PFAS: variants seen among roughly 807,000 people sequenced by gnomAD.
The protein encoded by PFAS is FGAM synthase.
PFAS carries 97 observed loss-of-function variants against 140.6 expected under a neutral mutation model. The ratio of observed to expected loss-of-function variants is 0.69; its 90% confidence interval spans 0.59 to 0.82. PFAS has a LOEUF of 0.82. Ranked by LOEUF, PFAS falls within the 40% of genes least tolerant of loss-of-function variation. The pLI is 0.00. For synonymous variants in PFAS, 679 were observed against 718.8 expected, an observed-to-expected ratio of 0.94 and a Z score of 0.88; for missense variants, 1,656 against 1,780.2, an observed-to-expected ratio of 0.93 and a Z score of 1.26.
intron 1 of PFAS, among the ~76,000 whole-genome samples, chr17:8,249,954 A>G (rs1159204771): frequency 2.0e-5 from 3 of 152,170 alleles, no homozygotes; most frequent in Admixed American, 6.6e-5. Flanking sequence ...AAAACATCCA[A>G]TAGTGATAAG....
intron 1 of PFAS, among the ~76,000 whole-genome samples, chr17:8,250,543 T>C (rs1027244864): frequency 3.3e-5 from 5 of 152,192 alleles, no homozygotes; most frequent in Non-Finnish European, 7.3e-5. Flanking sequence ...TGGTAGTGTT[T>C]ACTGAGTGGC....
Position 8,266,227 on chromosome 17 carries a change from C to A in PFAS, c.2702-7C>A, listed in dbSNP as rs549043596. 1 of 1,613,786 alleles carries A rather than the reference C, an allele frequency of 6.2e-7. No homozygotes were observed. The highest frequency in any genetic ancestry group is 1.3e-5 in the African/African-American group (1 of 75,014). ...GAGGTTGCTGAGCTTTCTTCTCCTT[C>A]CTCCAGACCGCCTCCTCTGCTCAGG... On this transcript the variant is annotated splice_polypyrimidine_tract_variant and splice_region_variant and intron_variant, in intron 21 of 27. Coordinates refer to ENST00000314666, the MANE Select transcript of PFAS (RefSeq NM_012393.3). The surrounding 1 kb of genome is among the most constrained non-coding windows in gnomAD (Gnocchi z 5.0).
rs911838363 is a variant in PFAS at position 8,269,880 on chromosome 17, C to CTTTTTT, written c.*628_*633dup. The CTTTTTT allele has an allele frequency of 1.2e-4, 16 of 138,908 alleles. No individual in the cohort carries two copies. In the South Asian group the frequency reaches 3.4e-3, roughly 30 times the overall value. The allele number at this position is 138,908 out of a possible 1,614,324, so 8.6% of individuals were successfully genotyped here. A position where few individuals can be genotyped will look rare whatever the true frequency, so the allele number is the denominator to read the frequency against. On this transcript the variant is annotated 3_prime_UTR_variant, in exon 28 of 28. Transcript: ENST00000314666. Reference sequence around the variant, plus strand: ...TATTTGCTTCTAAATTAGCAGCTCTCTTTTTTTTTTTTTTTTTGAGGCAGT... The same window carrying CTTTTTT: ...TATTTGCTTCTAAATTAGCAGCTCTCTTTTTTTTTTTTTTTTTTTTTTTGAGGCAGT...
rs371401018 is a variant in PFAS at position 8,268,584 on chromosome 17, G to A, written c.3434G>A (p.Arg1145His). The change falls in exon 27 of 28, where the codon CGC becomes CAC. Residue 1145 changes from arginine to histidine, a missense_variant. Physicochemically the swap from Arg to His is conservative, Grantham distance 29. Transcript: ENST00000314666. ...CCCAGGGCTGGGGCTGAGCTGAGGC[G>A]CTTCCGGAAGCGGCCAGACACCTTC... ...FHPRAGAELR[R>H]FRKRPDTFSL... The A allele has an allele frequency of 2.4e-5, 38 of 1,612,694 alleles. No individual in the cohort carries two copies. The highest frequency in any genetic ancestry group is 2.1e-4 in the African/African-American group (16 of 74,808).
At position 8,269,288 on chromosome 17, in the gene PFAS, C is replaced by A. The variant is rs998305948; in HGVS notation, c.*24C>A. The stretch of plus-strand genomic sequence containing the variant: ...GACTGGCCACAGGGGCTCACCTGGG[C>A]CCCATGGCTTTTCACCTAAGTGGGT... On this transcript the variant is annotated 3_prime_UTR_variant, in exon 28 of 28. Coordinates refer to ENST00000314666, the MANE Select transcript of PFAS (RefSeq NM_012393.3). 1.9e-6 allele frequency: 3 copies of A among 1,560,692 alleles called. No homozygotes were observed. The highest frequency in any genetic ancestry group is 2.6e-6 in the Non-Finnish European group (3 of 1,148,616).
intron 1 of PFAS, among the ~76,000 whole-genome samples, chr17:8,252,734 C>T (rs972990443): frequency 1.3e-5 from 2 of 152,208 alleles, no homozygotes; most frequent in Non-Finnish European, 2.9e-5. Flanking sequence ...CTTCCCACCT[C>T]AGCCTCCCTA....
chr17:8,248,268 C>A (rs1222687384), upstream of PFAS, among the ~76,000 whole-genome samples: 1 of 151,698 alleles, frequency 6.6e-6, no homozygotes, highest in Admixed American at 6.6e-5. Flanking sequence ...TAAGACGAAG[C>A]CTGGTTCTGT....
chr17:8,258,338 C>T lies in PFAS; in HGVS notation c.1336+139C>T. 4 of 933,434 alleles carry T rather than the reference C, an allele frequency of 4.3e-6. No individual in the cohort carries two copies. The South Asian group carries it at 4.9e-5, about 11-fold the overall frequency. 57.8% of individuals were successfully genotyped at this position (933,434 alleles called of 1,614,324 possible). On this transcript the variant is annotated intron_variant, in intron 11 of 27. Transcript: ENST00000314666. ...ATCTTATGTGTCACATAATGATGGA[C>T]AACTCATTCTGAGAAATGTGGCTAT...
Position 8,269,381 on chromosome 17 carries a change from G to A in PFAS, c.*117G>A. The A allele has an allele frequency of 1.4e-6, 1 of 710,036 alleles. No individual in the cohort carries two copies. Among genetic ancestry groups the A allele is most frequent in the East Asian group, 2.7e-5 (1 of 36,664 alleles). The allele number at this position is 710,036 out of a possible 1,614,324, so 44.0% of individuals were successfully genotyped here. A position where few individuals can be genotyped will look rare whatever the true frequency, so the allele number is the denominator to read the frequency against. On this transcript the variant is annotated 3_prime_UTR_variant, in exon 28 of 28. Transcript: ENST00000314666. ...TTCCAAAAATATCTTGGACAGACAA[G>A]GACCAAAATGCCAAAATCTCAGCGG... is the stretch of plus-strand genomic sequence containing the variant.
In PFAS at chr17:8,255,547, A is replaced by G; in HGVS notation, c.430A>G (p.Thr144Ala). ...SAEVEAIALA[T>A]LHDRMTEQHF... ...TGAGGTGGAAGCCATTGCTCTGGCT[A>G]CCCTGCACGACCGGATGACAGAGCA... is the stretch of plus-strand genomic sequence containing the variant. The change falls in exon 5 of 28, where the codon ACC becomes GCC. Residue 144 changes from threonine to alanine, a missense_variant. By Grantham distance (58) the Thr-to-Ala change is moderately conservative. This residue lies in a region of PFAS where 773 missense variants were observed against 757.3 expected (regional missense o/e 1.02). Coordinates refer to ENST00000314666, the MANE Select transcript of PFAS (RefSeq NM_012393.3). 6 of 1,537,988 alleles carry G rather than the reference A, an allele frequency of 3.9e-6. No individual in the cohort carries two copies. Among genetic ancestry groups the G allele is most frequent in the Non-Finnish European group, 5.2e-6 (6 of 1,148,862 alleles).
At chr17:8,256,481 G>A (rs1172394574) in intron 7 of PFAS, 43 bp from the exon 8 acceptor site, 2 of 1,613,744 alleles carry the variant, frequency 1.2e-6, no homozygotes, top group Non-Finnish European at 1.7e-6. Flanking sequence ...GGTTAGTGTA[G>A]GTCCCAGAAA....
chr17:8,264,639 C>T (rs376045490), intron 17 of PFAS, 38 bp downstream of exon 17: 5 of 1,562,104 alleles, frequency 3.2e-6, no homozygotes, highest in Non-Finnish European at 3.5e-6. Context: ...CTGCCTCCTT[C>T]CTCCGCTCAG....
chr17:8,267,404 G>C lies in PFAS; in HGVS notation c.3208G>C (p.Glu1070Gln), dbSNP rs759259758. Residue 1070 changes from glutamate (E) to glutamine (Q), a missense_variant, in exon 25 of 28, where the codon GAG becomes CAG. Around this residue, in one of 2 missense-constraint regions of PFAS, gnomAD observed 883 missense variants for 1,023.0 expected, o/e 0.86. Transcript: ENST00000314666. The surrounding 1 kb of genome is among the most constrained non-coding windows in gnomAD (Gnocchi z 4.9). The stretch of plus-strand genomic sequence containing the variant: ...CAGCCCCCGAGTCGCCATCTTGCGA[G>C]AGGAGGGCAGTAATGGAGACCGGGA... ...GPSPRVAILR[E>Q]EGSNGDREMA... The C allele has an allele frequency of 1.9e-6, 3 of 1,614,152 alleles. No individual in the cohort carries two copies. The highest frequency in any genetic ancestry group is 2.2e-5 in the East Asian group (1 of 44,882).
intron 10 of PFAS, 53 bp downstream of exon 10, chr17:8,257,991 G>T: frequency 3.7e-6 from 6 of 1,611,874 alleles, no homozygotes; most frequent in Non-Finnish European, 5.1e-6. Flanking sequence ...TTGTGGGTGG[G>T]GTGTGCGACC....
At position 8,266,937 on chromosome 17, in the gene PFAS, TCAGAGTGGGGTGGCCG is replaced by T. The variant is rs572398340; in HGVS notation, c.2967+41_2967+56del. On this transcript the variant is annotated intron_variant, in intron 23 of 27. Coordinates refer to ENST00000314666, the MANE Select transcript of PFAS (RefSeq NM_012393.3). The surrounding 1 kb of genome is among the most constrained non-coding windows in gnomAD (Gnocchi z 5.0). Reference sequence around the variant, plus strand: ...GGAGAGAGCGGTGTGCAGTGGGCAGTCAGAGTGGGGTGGCCGCGGTCCATCCCTCTCCCACTGTGGA... The same window carrying T: ...GGAGAGAGCGGTGTGCAGTGGGCAGTCGGTCCATCCCTCTCCCACTGTGGA... The T allele has an allele frequency of 7.8e-5, 125 of 1,599,240 alleles. No homozygotes were observed. The African/African-American group carries it at 1.5e-3, about 20-fold the overall frequency.
At chr17:8,251,105 G>T (rs1989132367) in intron 1 of PFAS, among the ~76,000 whole-genome samples, 1 of 152,134 alleles carries the variant, frequency 6.6e-6, no homozygotes, top group Non-Finnish European at 1.5e-5. Context: ...GGCGAACATG[G>T]TGAAACCCCA....
In PFAS at chr17:8,267,126, G is replaced by A; in HGVS notation, c.3066G>A (p.Gln1022=). ...EETSFQLDRL[Q]AEPRCVAEEE... ...CGAGTTTCCAGCTGGACCGGCTACAGGCAGAGCCTCGCTGTGTGGCAGAGG... is the reference window on the plus strand; with the variant it reads ...CGAGTTTCCAGCTGGACCGGCTACAAGCAGAGCCTCGCTGTGTGGCAGAGG... Residue 1022 remains glutamine (Q), a synonymous_variant, in exon 24 of 28, where the codon CAG becomes CAA. Coordinates refer to ENST00000314666, the MANE Select transcript of PFAS (RefSeq NM_012393.3). This position sits in a 1 kb window ranked among gnomAD's most constrained non-coding sequence, Gnocchi z 4.9. 6.2e-7 allele frequency: 1 copy of A among 1,613,130 alleles called. No homozygotes were observed. The highest frequency in any genetic ancestry group is 8.5e-7 in the Non-Finnish European group (1 of 1,179,704).
chr17:8,259,100 C>G (rs533388955), intron 11 of PFAS, among the ~76,000 whole-genome samples: 2 of 147,522 alleles, frequency 1.4e-5, no homozygotes, highest in East Asian at 2.0e-4. Context: ...GAGTGGAGAT[C>G]GCACCACTGC....
At chr17:8,261,060 A>G (rs1211039909) in intron 11 of PFAS, among the ~76,000 whole-genome samples, 2 of 152,136 alleles carry the variant, frequency 1.3e-5, no homozygotes, top group East Asian at 1.9e-4. Context: ...CAGCTGTACC[A>G]TTTTACATTC....
Sources: gnomAD v4.1 joint callset for allele counts (sites outside exome capture counted in the v4.1 genomes callset) on GRCh38, gnomAD v4.1.1 for gene constraint, gnomAD v4.1.1 regional missense constraint, Gnocchi (gnomAD v3.1) non-coding constraint, MANE v1.5 for transcripts, NCBI Gene and HGNC (gene_info 2026-07-23, HGNC 2026-07-21) for gene names.